The following ABCC3 variants were observed in gnomAD, a reference collection of about 807,000 sequenced individuals.
ABCC3 encodes ATP-binding cassette sub-family C member 3.
In ABCC3, 121 loss-of-function variants were observed where a neutral mutation model predicts 165.3. The ratio of observed to expected loss-of-function variants is 0.73; its 90% confidence interval spans 0.63 to 0.85. The LOEUF is 0.85. Ranked by LOEUF, ABCC3 falls within the 40% of genes least tolerant of loss-of-function variation. The probability of loss-of-function intolerance (pLI) is 0.00; values close to 1 mark genes in which losing one functional copy is unlikely to be tolerated. For synonymous variants in ABCC3, 733 were observed against 810.1 expected (o/e 0.90, Z 1.62); for missense variants, 1,869 against 1,964.1 (o/e 0.95, Z 0.92).
rs754928510 is a variant in ABCC3, at chr17:50,673,154, G to C, written c.2409+16G>C. Reference sequence around the variant, plus strand: ...GGCAGGCAAGGTGAGGCCTGCCAGAGGCTAAGGGGGCTAAGGTGAGATCTG... The same window carrying C: ...GGCAGGCAAGGTGAGGCCTGCCAGACGCTAAGGGGGCTAAGGTGAGATCTG... On this transcript the variant is annotated intron_variant, in intron 18 of 30. Transcript: ENST00000285238. 1 of 1,612,428 alleles carries C rather than the reference G, an allele frequency of 6.2e-7. No homozygotes were observed. Among genetic ancestry groups the C allele is most frequent in the Non-Finnish European group, 8.5e-7 (1 of 1,179,932 alleles).
intron 1 of ABCC3, among the ~76,000 whole-genome samples, chr17:50,637,837 G>A (rs551990146): frequency 1.1e-4 from 17 of 152,256 alleles, no homozygotes; most frequent in Non-Finnish European, 2.1e-4. Flanking sequence ...GACGTGGGAA[G>A]ACCTGCAGGG....
At chr17:50,640,888 C>T (rs1025509032) in intron 1 of ABCC3, among the ~76,000 whole-genome samples, 18 of 152,300 alleles carry the variant, frequency 1.2e-4, no homozygotes, top group African/African-American at 2.6e-4. Context: ...GCTCTCTCCA[C>T]GCCTTCATTG....
At chr17:50,648,759 A>C (rs961078540) in intron 1 of ABCC3, among the ~76,000 whole-genome samples, 3 of 152,116 alleles carry the variant, frequency 2.0e-5, no homozygotes, top group African/African-American at 7.2e-5. Context: ...ACCTGCCCCC[A>C]ACACACAGAG....
intron 1 of ABCC3, among the ~76,000 whole-genome samples, chr17:50,652,060 A>T (rs918036014): frequency 6.6e-6 from 1 of 152,196 alleles, no homozygotes; most frequent in Admixed American, 6.5e-5. Context: ...AAAGTATTTG[A>T]GGTAGTTCTT....
intron 10 of ABCC3, chr17:50,664,639 G>C (rs985788310): frequency 5.7e-6 from 1 of 176,008 alleles, no homozygotes. Flanking sequence ...GGAGGCAGAG[G>C]TTGCAGTGAG....
chr17:50,688,063 C>T (rs1334803089), intron 30 of ABCC3, among the ~76,000 whole-genome samples: 1 of 152,044 alleles, frequency 6.6e-6, no homozygotes, highest in Non-Finnish European at 1.5e-5. Flanking sequence ...AGGCGTGCAC[C>T]ACCACATCCG....
chr17:50,644,838 A>G (rs1168005573), intron 1 of ABCC3, among the ~76,000 whole-genome samples: 3 of 152,122 alleles, frequency 2.0e-5, no homozygotes, highest in Non-Finnish European at 4.4e-5. Flanking sequence ...CTAACACGGT[A>G]AAACCCCGTC....
At chr17:50,673,982 C>CTTTCTTTT (rs1967727716) in intron 19 of ABCC3, among the ~76,000 whole-genome samples, 1 of 14,682 alleles carries the variant, frequency 6.8e-5, no homozygotes, top group African/African-American at 3.3e-4. Flanking sequence ...CTTTCTTTCT[C>CTTTCTTTT]TCTCTCTCTC....
In ABCC3 at chr17:50,668,417, C is replaced by T; in HGVS notation, c.1783-13C>T. The T allele has an allele frequency of 6.2e-7, 1 of 1,611,928 alleles. No homozygotes were observed. The highest frequency in any genetic ancestry group is 8.5e-7 in the Non-Finnish European group (1 of 1,178,174). ...AAGTACAGTCTCTAGGGCTGACTCACATCCTCCCGTAGGCCAGTGTGTCTC... is the reference window on the plus strand; with the variant it reads ...AAGTACAGTCTCTAGGGCTGACTCATATCCTCCCGTAGGCCAGTGTGTCTC... On this transcript the variant is annotated splice_polypyrimidine_tract_variant and intron_variant, in intron 13 of 30. Coordinates refer to ENST00000285238, the MANE Select transcript of ABCC3 (RefSeq NM_003786.4).
At chr17:50,674,881 C>A (rs1028607030) in intron 19 of ABCC3, among the ~76,000 whole-genome samples, 8 of 150,656 alleles carry the variant, frequency 5.3e-5, no homozygotes, top group African/African-American at 2.0e-4. Flanking sequence ...CTCACTGCAA[C>A]CTTTGCCTCC....
At chr17:50,637,592 G>T (rs2146582912) in intron 1 of ABCC3, among the ~76,000 whole-genome samples, 1 of 152,300 alleles carries the variant, frequency 6.6e-6, no homozygotes, top group South Asian at 2.1e-4. Flanking sequence ...AGGCCCCTCT[G>T]GGCCGCTCAT....
At position 50,669,461 on chromosome 17, in the gene ABCC3, AGGCCTGT is replaced by A. The variant is rs1459429880; in HGVS notation, c.2176_2182del (p.Ala726ProfsTer3). 1.9e-6 allele frequency: 3 copies of A among 1,614,236 alleles called. No homozygotes were observed. The South Asian group carries it at 3.3e-5, about 18-fold the overall frequency. On this transcript the variant is annotated frameshift_variant, in exon 17 of 31. Coordinates refer to ENST00000285238, the MANE Select transcript of ABCC3 (RefSeq NM_003786.4). LOFTEE classifies it high-confidence loss of function. Reference sequence around the variant, plus strand: ...CCCAAGCGCTACCAGCAGACTCTGGAGGCCTGTGCCTTGCTAGCTGACCTGGAGATGC... The same window carrying A: ...CCCAAGCGCTACCAGCAGACTCTGGAGCCTTGCTAGCTGACCTGGAGATGC...
intron 10 of ABCC3, chr17:50,664,312 G>C: frequency 1.6e-6 from 1 of 636,682 alleles, no homozygotes. Flanking sequence ...CCACACTCCA[G>C]CCTGGGCAAC....
chr17:50,675,732 C>T lies in ABCC3; in HGVS notation c.2816C>T (p.Ala939Val). The change falls in exon 21 of 31, where the codon GCA (alanine) becomes GTA (valine). Residue 939 changes from alanine (A) to valine (V), a missense_variant. Coordinates refer to ENST00000285238, the MANE Select transcript of ABCC3 (RefSeq NM_003786.4). Reference sequence around the variant, plus strand: ...AAGGTGCAGGTGACAGAGGCGAAGGCAGATGGGGCACTGACCCAGGAGGAG... The same window carrying T: ...AAGGTGCAGGTGACAGAGGCGAAGGTAGATGGGGCACTGACCCAGGAGGAG... ...SEKVQVTEAKADGALTQEEKA... is the reference protein window; with the variant it reads ...SEKVQVTEAKVDGALTQEEKA... 1.3e-6 allele frequency: 2 copies of T among 1,563,390 alleles called. No individual in the cohort carries two copies. The highest frequency in any genetic ancestry group is 1.7e-6 in the Non-Finnish European group (2 of 1,153,576).
At chr17:50,678,518 C>T (rs1014416287) in intron 25 of ABCC3, among the ~76,000 whole-genome samples, 3 of 152,192 alleles carry the variant, frequency 2.0e-5, no homozygotes, top group South Asian at 2.1e-4. Context: ...CCTGCTCAGC[C>T]GTCGACCTTG....
intron 1 of ABCC3, among the ~76,000 whole-genome samples, chr17:50,651,569 A>G (rs1200751592): frequency 5.9e-5 from 9 of 152,310 alleles, no homozygotes; most frequent in African/African-American, 2.2e-4. Flanking sequence ...CAAAAAATAC[A>G]AAAATTAGCT....
At position 50,691,303 on chromosome 17, in the gene ABCC3, C is replaced by T. The variant is rs146326566; in HGVS notation, c.*103C>T. 8 of 903,782 alleles carry T rather than the reference C, an allele frequency of 8.9e-6. No homozygotes were observed. The highest frequency in any genetic ancestry group is 1.4e-5 in the Non-Finnish European group (8 of 564,064). The allele number at this position is 903,782 out of a possible 1,614,324, so 56.0% of individuals were successfully genotyped here. On this transcript the variant is annotated 3_prime_UTR_variant, in exon 31 of 31. Coordinates refer to ENST00000285238, the MANE Select transcript of ABCC3 (RefSeq NM_003786.4). ...TGGACTTGATAGCAAACACTGGGGGCACCTTAAGATTTTGCACCTGTAAAG... is the reference window on the plus strand; with the variant it reads ...TGGACTTGATAGCAAACACTGGGGGTACCTTAAGATTTTGCACCTGTAAAG...
Position 50,683,954 on chromosome 17 carries a change from G to A in ABCC3, c.3960G>A (p.Gly1320=), listed in dbSNP as rs766015552. The stretch of plus-strand genomic sequence containing the variant: ...CCCTTCCCTTCTCCGCCCAGGTGGG[G>A]ATCGTGGGCCGCACTGGGGCTGGCA... ...SLHVHGGEKV[G]IVGRTGAGKS... is the part of the protein sequence containing the mutation. Residue 1320 remains glycine (G), a synonymous_variant, in exon 28 of 31, where the codon GGG becomes GGA. Coordinates refer to ENST00000285238, the MANE Select transcript of ABCC3 (RefSeq NM_003786.4). 1 of 1,612,998 alleles carries A rather than the reference G, an allele frequency of 6.2e-7. No individual in the cohort carries two copies. The highest frequency in any genetic ancestry group is 8.5e-7 in the Non-Finnish European group (1 of 1,179,610).
Position 50,684,843 on chromosome 17 carries a change from C to T in ABCC3, c.4248C>T (p.Asp1416=). The T allele has an allele frequency of 6.2e-7, 1 of 1,614,186 alleles. No individual in the cohort carries two copies. Residue 1416 remains aspartate, a synonymous_variant, in exon 29 of 31, where the codon GAC becomes GAT. Coordinates refer to ENST00000285238, the MANE Select transcript of ABCC3 (RefSeq NM_003786.4). ...TFVSSQPAGL[D]FQCSEGGENL... ...TGAGCTCCCAGCCGGCAGGCCTGGA[C>T]TTCCAGTGCTCAGAGGGCGGGGAGA...
Sources: allele counts gnomAD v4.1 joint callset (sites outside exome capture counted in the v4.1 genomes callset), GRCh38; gene constraint gnomAD v4.1.1; transcripts MANE v1.5; gene names NCBI Gene and HGNC (gene_info 2026-07-23, HGNC 2026-07-21).